The following PCNX1 variants were observed in gnomAD, a reference collection of about 807,000 sequenced individuals.
PCNX1 encodes pecanex-like protein 1.
Under a neutral mutation model 242.2 loss-of-function variants are expected in PCNX1, and 78 were observed. The observed-to-expected ratio is 0.32, with a 90% CI of 0.27 to 0.39. The LOEUF is 0.39. Ranked by LOEUF, PCNX1 falls within the 10% of genes least tolerant of loss-of-function variation. PCNX1 has a pLI of 1.00. For synonymous variants in PCNX1, 1,024 were observed against 1,032.9 expected, an observed-to-expected ratio of 0.99 and a Z score of 0.17; for missense variants, 2,581 against 2,856.5, an observed-to-expected ratio of 0.90 and a Z score of 2.20.
intron 28 of PCNX1, among the ~76,000 whole-genome samples, chr14:71,078,484 T>G (rs1407777725): frequency 6.6e-6 from 1 of 152,254 alleles, no homozygotes; most frequent in Non-Finnish European, 1.5e-5. Context: ...CTCAGCTTCT[T>G]TCTCCTACTT....
At chr14:70,945,524 TTA>T (rs1382107511) in intron 1 of PCNX1, among the ~76,000 whole-genome samples, 1 of 151,780 alleles carries the variant, frequency 6.6e-6, no homozygotes, top group African/African-American at 2.4e-5. Flanking sequence ...TTTGTGGACT[TTA>T]TGTTTTTCCA....
In PCNX1 at chr14:71,112,233, C is replaced by G. The variant is rs778071097; in HGVS notation, c.*2298C>G. ...GCTAGAATTTTTTAATTTCTAGCCC[C>G]TCCTCCAAAAAAATTTTAAACACAT... On this transcript the variant is annotated 3_prime_UTR_variant, in exon 36 of 36. Coordinates refer to ENST00000304743, the MANE Select transcript of PCNX1 (RefSeq NM_014982.3). 6.6e-6 allele frequency: 1 copy of G among 152,006 alleles called. No homozygotes were observed. Among genetic ancestry groups the G allele is most frequent in the Non-Finnish European group, 1.5e-5 (1 of 67,890 alleles). 9.4% of individuals were successfully genotyped at this position (152,006 alleles called of 1,614,324 possible).
chr14:70,938,915 G>T (rs924308385), intron 1 of PCNX1, among the ~76,000 whole-genome samples: 11 of 152,120 alleles, frequency 7.2e-5, no homozygotes, highest in African/African-American at 2.4e-4. Flanking sequence ...GCTTATTTGC[G>T]TAGACGTGTT....
chr14:70,998,479 G>A (rs1398060745), intron 8 of PCNX1, among the ~76,000 whole-genome samples: 1 of 151,816 alleles, frequency 6.6e-6, no homozygotes, highest in African/African-American at 2.4e-5. Flanking sequence ...GGCTGGGCTC[G>A]GTGGCTCATG....
At chr14:71,094,492 T>C (rs2062219524) in intron 30 of PCNX1, among the ~76,000 whole-genome samples, 1 of 152,214 alleles carries the variant, frequency 6.6e-6, no homozygotes, top group African/African-American at 2.4e-5. Context: ...AAATATAAAA[T>C]TTCTATTAAC....
chr14:70,990,613 TCTTC>T (rs915188361), intron 7 of PCNX1, among the ~76,000 whole-genome samples: 2 of 151,968 alleles, frequency 1.3e-5, no homozygotes, highest in African/African-American at 4.8e-5. Flanking sequence ...CCTAATTAAT[TCTTC>T]AGTAAGTCAA....
intron 26 of PCNX1, among the ~76,000 whole-genome samples, chr14:71,058,980 TACC>T (rs1374107876): frequency 6.6e-6 from 1 of 152,242 alleles, no homozygotes; most frequent in Admixed American, 6.5e-5. Flanking sequence ...AGCATACCCT[TACC>T]ACCATTCCTG....
intron 3 of PCNX1, among the ~76,000 whole-genome samples, chr14:70,967,395 T>C (rs2058412802): frequency 6.6e-6 from 1 of 152,228 alleles, no homozygotes; most frequent in Admixed American, 6.5e-5. Context: ...GAAAACGAGT[T>C]ACAGGAAGAG....
chr14:70,907,596 A>T lies in PCNX1; in HGVS notation c.-255A>T, dbSNP rs1475908024. 4.4e-6 allele frequency: 1 copy of T among 228,784 alleles called. No homozygotes were observed. The highest frequency in any genetic ancestry group is 8.2e-6 in the Non-Finnish European group (1 of 122,696). The allele number at this position is 228,784 out of a possible 1,614,324, so 14.2% of individuals were successfully genotyped here. On this transcript the variant is annotated 5_prime_UTR_variant, in exon 1 of 36. The change creates a new upstream start codon in the 5' untranslated region. Coordinates refer to ENST00000304743, the MANE Select transcript of PCNX1 (RefSeq NM_014982.3). Reference sequence around the variant, plus strand: ...AGACAAGATGGCGGCGGCTCTCAGAAGGCCGGTCTCCTCCTCTCCGCCGTC... The same window carrying T: ...AGACAAGATGGCGGCGGCTCTCAGATGGCCGGTCTCCTCCTCTCCGCCGTC...
chr14:71,065,406 A>G (rs544809715), intron 26 of PCNX1, among the ~76,000 whole-genome samples: 3 of 152,340 alleles, frequency 2.0e-5, no homozygotes, highest in East Asian at 1.9e-4. Flanking sequence ...TTTTGACCAC[A>G]TAAATGTCTT....
At chr14:71,054,303 G>A (rs2061122439) in intron 24 of PCNX1, among the ~76,000 whole-genome samples, 1 of 152,080 alleles carries the variant, frequency 6.6e-6, no homozygotes, top group African/African-American at 2.4e-5. Flanking sequence ...AACATTTTGT[G>A]TTGGTCATTT....
At chr14:70,949,344 C>CACGCACGTGCATAT (rs2057675207) in intron 2 of PCNX1, among the ~76,000 whole-genome samples, 2 of 145,482 alleles carry the variant, frequency 1.4e-5, no homozygotes, top group Non-Finnish European at 3.0e-5. Flanking sequence ...CACGTGCATA[C>CACGCACGTGCATAT]ACGCACGTGC....
chr14:71,075,071 T>G (rs952964126), intron 27 of PCNX1, among the ~76,000 whole-genome samples: 4 of 148,048 alleles, frequency 2.7e-5, no homozygotes, highest in South Asian at 2.2e-4. Context: ...CGTAGCTCAC[T>G]GCAGCCTTGA....
intron 8 of PCNX1, among the ~76,000 whole-genome samples, chr14:70,998,879 A>G (rs537266741): frequency 2.0e-5 from 3 of 152,186 alleles, no homozygotes; most frequent in Admixed American, 1.3e-4. Flanking sequence ...GAGTTTTGGA[A>G]GTTAATATCT....
chr14:71,008,513 G>A (rs902062512), intron 8 of PCNX1, among the ~76,000 whole-genome samples: 6 of 151,768 alleles, frequency 4.0e-5, no homozygotes, highest in Non-Finnish European at 5.9e-5. Flanking sequence ...AAAATTAGCC[G>A]GGCGTGGTGG....
intron 2 of PCNX1, among the ~76,000 whole-genome samples, chr14:70,956,691 A>G (rs2058008217): frequency 6.6e-6 from 1 of 152,162 alleles, no homozygotes; most frequent in Non-Finnish European, 1.5e-5. Flanking sequence ...TGTGGGAAAT[A>G]AAGAAAGAAC....
intron 30 of PCNX1, among the ~76,000 whole-genome samples, chr14:71,098,060 A>G (rs2062345779): frequency 6.6e-6 from 1 of 152,010 alleles, no homozygotes. Context: ...TCCATTGTGT[A>G]TTTTTTGACA....
intron 11 of PCNX1, among the ~76,000 whole-genome samples, chr14:71,015,629 C>G (rs2059942342): frequency 6.6e-6 from 1 of 152,076 alleles, no homozygotes; most frequent in Admixed American, 6.6e-5. Flanking sequence ...GACTCTGTCT[C>G]TACAAACATA....
rs1280159038 is a variant in PCNX1 at position 70,968,243 on chromosome 14, G to A, written c.514G>A (p.Gly172Arg). Reference sequence around the variant, plus strand: ...TCTTGGAACAGCAGCAACTATTAAAGGTAGGTGTGATCTAACTTAAAAGTT... The same window carrying A: ...TCTTGGAACAGCAGCAACTATTAAAAGTAGGTGTGATCTAACTTAAAAGTT... The part of the protein sequence containing the change: ...SRLGTAATIK[G>R]DTDTAKTSDD... Residue 172 changes from glycine (G) to arginine (R), a missense_variant and splice_region_variant, in exon 4 of 36, where the codon GGA (glycine) becomes AGA (arginine). Physicochemically the swap from Gly to Arg is moderately radical, Grantham distance 125. Around this residue, in one of 9 missense-constraint regions of PCNX1, gnomAD observed 1,204 missense variants for 1,216.7 expected, o/e 0.99. Coordinates refer to ENST00000304743, the MANE Select transcript of PCNX1 (RefSeq NM_014982.3). The A allele has an allele frequency of 1.6e-5, 26 of 1,611,252 alleles. No homozygotes were observed. The highest frequency in any genetic ancestry group is 2.0e-5 in the Non-Finnish European group (24 of 1,177,762).
Sources: allele counts gnomAD v4.1 joint callset (sites outside exome capture counted in the v4.1 genomes callset), GRCh38; gene constraint gnomAD v4.1.1; regional missense constraint gnomAD v4.1.1; transcripts MANE v1.5; gene names NCBI Gene and HGNC (gene_info 2026-07-23, HGNC 2026-07-21).